The following IL2RA variants were observed in gnomAD, a reference collection of about 807,000 sequenced individuals.
IL2RA encodes interleukin 2 receptor subunit alpha.
IL2RA carries 24 observed loss-of-function variants against 37.8 expected under a neutral mutation model. The ratio of observed to expected loss-of-function variants is 0.63; its 90% confidence interval spans 0.46 to 0.89. IL2RA has a LOEUF of 0.89. IL2RA is among the 40% of genes least tolerant of loss of function. IL2RA has a pLI of 0.00. For synonymous variants in IL2RA, 125 were observed against 114.6 expected (o/e 1.09, Z -0.58); for missense variants, 319 against 348.6 (o/e 0.92, Z 0.68).
In IL2RA at chr10:6,020,416, A is replaced by G. The variant is rs1839366018; in HGVS notation, c.584-475T>C. Among the ~76,000 whole-genome samples, 1 of 152,162 alleles carries G rather than the reference A, an allele frequency of 6.6e-6. No homozygotes were observed. Among genetic ancestry groups the G allele is most frequent in the South Asian group, 2.1e-4 (1 of 4,836 alleles). On this transcript the variant is annotated intron_variant, in intron 4 of 7. Coordinates refer to ENST00000379959, the MANE Select transcript of IL2RA (RefSeq NM_000417.3). This position sits in a 1 kb window ranked among gnomAD's most constrained non-coding sequence, Gnocchi z 5.6. ...AAGCAGCAAGCATTCCCTGGCTGTC[A>G]GGGTGGCCCAGGGAAGCAGCTAAGG... is the stretch of plus-strand genomic sequence containing the variant.
chr10:6,013,072 C>T (rs906823202), intron 7 of IL2RA, among the ~76,000 whole-genome samples, 176 bp from the exon 8 acceptor site: 2 of 152,200 alleles, frequency 1.3e-5, no homozygotes, highest in African/African-American at 4.8e-5. Context: ...TTGTGATCTG[C>T]CTGCCTCGGC....
rs941073463 is a variant in IL2RA, at chr10:6,056,314, T to C, written c.64+5774A>G. ...GCATGAATGGATGGATGAAGGAATA[T>C]CACTGAGAATTCATGTAAAGATGTG... is the stretch of plus-strand genomic sequence containing the variant. On this transcript the variant is annotated intron_variant, in intron 1 of 7. Coordinates refer to ENST00000379959, the MANE Select transcript of IL2RA (RefSeq NM_000417.3). This position sits in a 1 kb window ranked among gnomAD's most constrained non-coding sequence, Gnocchi z 5.0. 1.3e-5 allele frequency among the ~76,000 whole-genome samples: 2 copies of C among 152,242 alleles called. No homozygotes were observed. The highest frequency in any genetic ancestry group is 2.9e-5 in the Non-Finnish European group (2 of 68,048).
At position 6,012,631 on chromosome 10, in the gene IL2RA, A is replaced by G. The variant is rs1419412833; in HGVS notation, c.*241T>C. ...TCTAGTGGTTTTGCCCTTCCTCTTC[A>G]ACGGCGAAATTGCTATTTAGAAGTG... is the stretch of plus-strand genomic sequence containing the variant. On this transcript the variant is annotated 3_prime_UTR_variant, in exon 8 of 8. Transcript: ENST00000379959. The surrounding 1 kb of genome is among the most constrained non-coding windows in gnomAD (Gnocchi z 4.8). The G allele has an allele frequency of 1.0e-5, 6 of 597,640 alleles. No individual in the cohort carries two copies. The East Asian group carries it at 1.4e-4, about 14-fold the overall frequency. The allele number at this position is 597,640 out of a possible 1,614,324, so 37.0% of individuals were successfully genotyped here. A position where few individuals can be genotyped will look rare whatever the true frequency, so the allele number is the denominator to read the frequency against.
intron 1 of IL2RA, among the ~76,000 whole-genome samples, chr10:6,042,148 C>CAAAAAAAAAAAAAAAAAGAAA (rs1839782288): frequency 1.8e-5 from 1 of 54,132 alleles, no homozygotes; most frequent in African/African-American, 7.6e-5. Flanking sequence ...ATGTATTAAG[C>CAAAAAAAAAAAAAAAAAGAAA]AAAAAAAAAA....
Position 6,025,906 on chromosome 10 carries a change from A to T in IL2RA, c.184T>A (p.Ser62Thr). 6.2e-7 allele frequency: 1 copy of T among 1,614,086 alleles called. No homozygotes were observed. Residue 62 changes from serine to threonine, a missense_variant, in exon 2 of 8, where the codon TCA (serine) becomes ACA (threonine). Coordinates refer to ENST00000379959, the MANE Select transcript of IL2RA (RefSeq NM_000417.3). This position sits in a 1 kb window ranked among gnomAD's most constrained non-coding sequence, Gnocchi z 4.4. The stretch of plus-strand genomic sequence containing the variant: ...TTTCCTGTACAGAGCATATAGAGTG[A>T]CCCGCTTTTTATTCTGCGGAAACCT... ...KRGFRRIKSGSLYMLCTGNSS... is the reference protein window; with the variant it reads ...KRGFRRIKSGTLYMLCTGNSS...
rs12719919 is a variant in IL2RA at position 6,012,195 on chromosome 10, C to T, written c.*677G>A. 7,196 of 152,832 alleles carry T rather than the reference C, an allele frequency of 0.047. 189 individuals are homozygous for T. The highest frequency in any genetic ancestry group is 0.065 in the Middle Eastern group (19 of 294). The allele number at this position is 152,832 out of a possible 1,614,324, so 9.5% of individuals were successfully genotyped here. ...CATTGCCTCATGGGTTTGGCTGCCC[C>T]GTTTTGAAGTTACCCAAAGATTATT... On this transcript the variant is annotated 3_prime_UTR_variant, in exon 8 of 8. Coordinates refer to ENST00000379959, the MANE Select transcript of IL2RA (RefSeq NM_000417.3). The surrounding 1 kb of genome is among the most constrained non-coding windows in gnomAD (Gnocchi z 4.8).
rs1839408860 is a variant in IL2RA, at chr10:6,022,778, A to G, written c.368-1085T>C. ...CAATGAAAACACCCAAACTGAGACA[A>G]TCTTTGAAACATCCCTCAGGCAGAG... On this transcript the variant is annotated intron_variant, in intron 3 of 7. Transcript: ENST00000379959. This position sits in a 1 kb window ranked among gnomAD's most constrained non-coding sequence, Gnocchi z 4.7. Among the ~76,000 whole-genome samples, 1 of 138,400 alleles carries G rather than the reference A, an allele frequency of 7.2e-6. No homozygotes were observed. The highest frequency in any genetic ancestry group is 2.5e-5 in the African/African-American group (1 of 40,114). The allele number at this position is 138,400 out of a possible 152,430, so 90.8% of individuals were successfully genotyped here. A position where few individuals can be genotyped will look rare whatever the true frequency, so the allele number is the denominator to read the frequency against.
In IL2RA at chr10:6,019,295, C is replaced by G. The variant is rs1395233220; in HGVS notation, c.727+133G>C. ...ACCAACTTACCAATCAACTAGCCAACCTACCTATCAACCTACCAGTCAACC... is the reference window on the plus strand; with the variant it reads ...ACCAACTTACCAATCAACTAGCCAAGCTACCTATCAACCTACCAGTCAACC... On this transcript the variant is annotated intron_variant, in intron 6 of 7. Transcript: ENST00000379959. 6.4e-6 allele frequency: 5 copies of G among 783,922 alleles called. No individual in the cohort carries two copies. The Admixed American group carries it at 8.6e-5, about 13-fold the overall frequency. The allele number at this position is 783,922 out of a possible 1,614,324, so 48.6% of individuals were successfully genotyped here.
chr10:6,031,220 G>A (rs1839569634), intron 1 of IL2RA, among the ~76,000 whole-genome samples: 1 of 151,372 alleles, frequency 6.6e-6, no homozygotes, highest in Non-Finnish European at 1.5e-5. Context: ...CTGTCTTCAA[G>A]AGAACACACT....
At chr10:6,039,323 T>G (rs1411370591) in intron 1 of IL2RA, 1 of 152,254 alleles carries the variant, frequency 6.6e-6, no homozygotes, top group Admixed American at 6.5e-5. Flanking sequence ...AACACTTACG[T>G]ACTTCTATGC....
intron 1 of IL2RA, among the ~76,000 whole-genome samples, chr10:6,034,320 T>C (rs1839645865): frequency 6.6e-6 from 1 of 152,186 alleles, no homozygotes; most frequent in Admixed American, 6.5e-5. Context: ...TATAATCCTT[T>C]TCCCTGAAAG....
At position 6,025,362 on chromosome 10, in the gene IL2RA, A is replaced by G. The variant is rs1423971071; in HGVS notation, c.256+472T>C. 6.6e-6 allele frequency among the ~76,000 whole-genome samples: 1 copy of G among 151,938 alleles called. No individual in the cohort carries two copies. Among genetic ancestry groups the G allele is most frequent in the East Asian group, 1.9e-4 (1 of 5,176 alleles). On this transcript the variant is annotated intron_variant, in intron 2 of 7. Coordinates refer to ENST00000379959, the MANE Select transcript of IL2RA (RefSeq NM_000417.3). This position sits in a 1 kb window ranked among gnomAD's most constrained non-coding sequence, Gnocchi z 4.4. ...GAGCGAGACTGTCTCAAAAATAAAA[A>G]TAAAATTGTGTGGCCGGGCACTGTG...
chr10:6,010,922 T>C lies in IL2RA; in HGVS notation c.*1950A>G, dbSNP rs1839182462. On this transcript the variant is annotated 3_prime_UTR_variant, in exon 8 of 8. Coordinates refer to ENST00000379959, the MANE Select transcript of IL2RA (RefSeq NM_000417.3). ...CGTAATCAGTTCTACTCAAGTAAGATTTAAATATATATCTATATTTTCTGG... is the reference window on the plus strand; with the variant it reads ...CGTAATCAGTTCTACTCAAGTAAGACTTAAATATATATCTATATTTTCTGG... 6.6e-6 allele frequency: 1 copy of C among 152,324 alleles called. No homozygotes were observed. The highest frequency in any genetic ancestry group is 1.5e-5 in the Non-Finnish European group (1 of 68,036). The allele number at this position is 152,324 out of a possible 1,614,324, so 9.4% of individuals were successfully genotyped here.
Position 6,044,931 on chromosome 10 carries a change from T to C in IL2RA, c.64+17157A>G, listed in dbSNP as rs1839826984. Among the ~76,000 whole-genome samples the C allele has an allele frequency of 6.6e-6, 1 of 152,220 alleles. No individual in the cohort carries two copies. The highest frequency in any genetic ancestry group is 2.4e-5 in the African/African-American group (1 of 41,450). Reference sequence around the variant, plus strand: ...TTGATTGGTTCATTCAAGCAAACATTCACCTTCCTTGTTTCATTCAGCAAG... The same window carrying C: ...TTGATTGGTTCATTCAAGCAAACATCCACCTTCCTTGTTTCATTCAGCAAG... On this transcript the variant is annotated intron_variant, in intron 1 of 7. Coordinates refer to ENST00000379959, the MANE Select transcript of IL2RA (RefSeq NM_000417.3). This position sits in a 1 kb window ranked among gnomAD's most constrained non-coding sequence, Gnocchi z 4.5.
rs1839185193 is a variant in IL2RA at position 6,011,156 on chromosome 10, A to T, written c.*1716T>A. 6.6e-6 allele frequency: 1 copy of T among 152,334 alleles called. No individual in the cohort carries two copies. The highest frequency in any genetic ancestry group is 2.4e-5 in the African/African-American group (1 of 41,444). The allele number at this position is 152,334 out of a possible 1,614,324, so 9.4% of individuals were successfully genotyped here. On this transcript the variant is annotated 3_prime_UTR_variant, in exon 8 of 8. Coordinates refer to ENST00000379959, the MANE Select transcript of IL2RA (RefSeq NM_000417.3). The surrounding 1 kb of genome is among the most constrained non-coding windows in gnomAD (Gnocchi z 5.2). ...GTGAAAACTGGCTGATAGTTTCCCA[A>T]ATGAATAATTTTCGTTAATGTTAAT...
intron 1 of IL2RA, among the ~76,000 whole-genome samples, chr10:6,032,930 C>T (rs1460170549): frequency 6.6e-6 from 1 of 152,018 alleles, no homozygotes; most frequent in African/African-American, 2.4e-5. Flanking sequence ...CAATAAAATG[C>T]AAGTTGAAAA....
Position 6,028,686 on chromosome 10 carries a change from A to G in IL2RA, c.65-2661T>C, listed in dbSNP as rs1184908071. On this transcript the variant is annotated intron_variant, in intron 1 of 7. Coordinates refer to ENST00000379959, the MANE Select transcript of IL2RA (RefSeq NM_000417.3). This position sits in a 1 kb window ranked among gnomAD's most constrained non-coding sequence, Gnocchi z 4.1. ...AAATGTGACATACTTGACCTACTCA[A>G]AAAAGTGCTCAATAGAAACAGACCC... 6.6e-6 allele frequency among the ~76,000 whole-genome samples: 1 copy of G among 152,200 alleles called. No individual in the cohort carries two copies. Among genetic ancestry groups the G allele is most frequent in the African/African-American group, 2.4e-5 (1 of 41,444 alleles).
intron 1 of IL2RA, among the ~76,000 whole-genome samples, chr10:6,049,141 GGTGT>G (rs1243180042): frequency 2.0e-5 from 3 of 152,240 alleles, no homozygotes; most frequent in Admixed American, 1.3e-4. Context: ...GAAAGCTGGT[GGTGT>G]GGCTCAGTCT....
chr10:6,012,642 T>A lies in IL2RA; in HGVS notation c.*230A>T. The A allele has an allele frequency of 1.7e-6, 1 of 602,654 alleles. No homozygotes were observed. Among genetic ancestry groups the A allele is most frequent in the Non-Finnish European group, 3.0e-6 (1 of 335,734 alleles). 37.3% of individuals were successfully genotyped at this position (602,654 alleles called of 1,614,324 possible). A position where few individuals can be genotyped will look rare whatever the true frequency, so the allele number is the denominator to read the frequency against. ...TGCCCTTCCTCTTCAACGGCGAAATTGCTATTTAGAAGTGGGTAGCGCTCG... is the reference window on the plus strand; with the variant it reads ...TGCCCTTCCTCTTCAACGGCGAAATAGCTATTTAGAAGTGGGTAGCGCTCG... On this transcript the variant is annotated 3_prime_UTR_variant, in exon 8 of 8. Coordinates refer to ENST00000379959, the MANE Select transcript of IL2RA (RefSeq NM_000417.3). This position sits in a 1 kb window ranked among gnomAD's most constrained non-coding sequence, Gnocchi z 4.8.
Sources: gnomAD v4.1 joint callset for allele counts (sites outside exome capture counted in the v4.1 genomes callset) on GRCh38, gnomAD v4.1.1 for gene constraint, Gnocchi (gnomAD v3.1) non-coding constraint, MANE v1.5 for transcripts, NCBI Gene and HGNC (gene_info 2026-07-23, HGNC 2026-07-21) for gene names.